Variants in PARD3 observed in about 807,000 individuals in gnomAD.
PARD3 encodes the protein partitioning defective 3 homolog.
A neutral mutation model predicts 155.4 loss-of-function variants in PARD3; 75 were observed. The observed-to-expected ratio is 0.48, with a 90% confidence interval of 0.40 to 0.58. PARD3 has a LOEUF of 0.58. Among genes scored for constraint, PARD3 ranks in the 20% least tolerant of loss-of-function variants. The pLI is 0.00. For synonymous variants in PARD3, 576 were observed against 610.5 expected (o/e 0.94, Z 0.83); for missense variants, 1,642 against 1,721.7 (o/e 0.95, Z 0.82).
intron 18 of PARD3, among the ~76,000 whole-genome samples, chr10:34,333,920 C>T (rs971370982): frequency 6.6e-6 from 1 of 151,910 alleles, no homozygotes; most frequent in Non-Finnish European, 1.5e-5. Flanking sequence ...ATCCCTAACA[C>T]ATTGATTCAG....
rs576049360 is a variant in PARD3, at chr10:34,727,757, G to A, written c.121-31338C>T. ...TGTTACGAAACCCCGGCCTGCTGGA[G>A]AATGAAAAGGTTTCCCTACTGCAGG... On this transcript the variant is annotated intron_variant, in intron 1 of 24. Coordinates refer to ENST00000374788, the MANE Select transcript of PARD3 (RefSeq NM_001184785.2). Among the ~76,000 whole-genome samples the A allele has an allele frequency of 2.6e-5, 4 of 151,952 alleles. No homozygotes were observed. The South Asian group carries it at 8.3e-4, about 32-fold the overall frequency.
chr10:34,752,070 T>C (rs1836105073), intron 1 of PARD3, among the ~76,000 whole-genome samples: 1 of 152,156 alleles, frequency 6.6e-6, no homozygotes, highest in Non-Finnish European at 1.5e-5. Context: ...GTTAACCTAA[T>C]GCTTTTCTCA....
chr10:34,146,784 C>T (rs2132922189), intron 22 of PARD3, among the ~76,000 whole-genome samples: 1 of 152,308 alleles, frequency 6.6e-6, no homozygotes, highest in East Asian at 1.9e-4. Flanking sequence ...AAGAACGTTT[C>T]CCACTTTTCC....
intron 1 of PARD3, among the ~76,000 whole-genome samples, chr10:34,753,023 C>T (rs544429149): frequency 6.6e-6 from 1 of 152,172 alleles, no homozygotes; most frequent in Non-Finnish European, 1.5e-5. Flanking sequence ...AGAAAACAGC[C>T]AAGGCAGCAG....
intron 2 of PARD3, among the ~76,000 whole-genome samples, chr10:34,531,923 AAGG>A (rs2082885875): frequency 6.6e-6 from 1 of 152,204 alleles, no homozygotes; most frequent in African/African-American, 2.4e-5. Context: ...AATTGCTCAC[AAGG>A]AGATGATGAG....
chr10:34,291,642 T>C (rs561840830), intron 20 of PARD3, among the ~76,000 whole-genome samples: 2 of 152,328 alleles, frequency 1.3e-5, no homozygotes, highest in East Asian at 3.9e-4. Flanking sequence ...CTAGAATTCA[T>C]ACCCAAGACA....
chr10:34,520,904 T>C (rs567993366), intron 2 of PARD3, among the ~76,000 whole-genome samples: 19 of 152,316 alleles, frequency 1.2e-4, no homozygotes, highest in Admixed American at 7.8e-4. Flanking sequence ...GATTTTGGAT[T>C]GCTATACTTG....
intron 5 of PARD3, among the ~76,000 whole-genome samples, chr10:34,413,017 G>C (rs1032515921): frequency 6.6e-6 from 1 of 152,032 alleles, no homozygotes; most frequent in Non-Finnish European, 1.5e-5. Flanking sequence ...CTCTTAAAAT[G>C]TTAAGATAAA....
chr10:34,218,500 C>G (rs1952117836), intron 22 of PARD3, among the ~76,000 whole-genome samples: 1 of 152,142 alleles, frequency 6.6e-6, no homozygotes, highest in South Asian at 2.1e-4. Context: ...CCTCCACAAA[C>G]CTACTCAATT....
At chr10:34,760,765 A>G (rs1257457829) in intron 1 of PARD3, among the ~76,000 whole-genome samples, 1 of 152,124 alleles carries the variant, frequency 6.6e-6, no homozygotes, top group Non-Finnish European at 1.5e-5. Context: ...TGAGGAGTTG[A>G]CACCTCCTGT....
chr10:34,661,987 C>T (rs1047232866), intron 2 of PARD3, among the ~76,000 whole-genome samples: 17 of 152,144 alleles, frequency 1.1e-4, no homozygotes, highest in African/African-American at 4.1e-4. Flanking sequence ...CATGTAAGCA[C>T]CCTGGGGAGA....
chr10:34,730,286 C>T lies in PARD3; in HGVS notation c.121-33867G>A, dbSNP rs1004512912. Among the ~76,000 whole-genome samples, 5 of 152,128 alleles carry T rather than the reference C, an allele frequency of 3.3e-5. No individual in the cohort carries two copies. In the South Asian group the frequency reaches 8.3e-4, roughly 25 times the overall value. ...ACGCATCTACAAATCTCACCTCTCTCTCTCCAAAATCCAATTTTTTTTTTC... is the reference window on the plus strand; with the variant it reads ...ACGCATCTACAAATCTCACCTCTCTTTCTCCAAAATCCAATTTTTTTTTTC... On this transcript the variant is annotated intron_variant, in intron 1 of 24. Transcript: ENST00000374788.
chr10:34,587,107 T>C (rs951086525), intron 2 of PARD3, among the ~76,000 whole-genome samples: 2 of 152,050 alleles, frequency 1.3e-5, no homozygotes, highest in African/African-American at 2.4e-5. Flanking sequence ...CTGAGGCTAA[T>C]GTTTATTTTT....
intron 2 of PARD3, among the ~76,000 whole-genome samples, chr10:34,555,383 T>C (rs1425616454): frequency 6.6e-6 from 1 of 152,184 alleles, no homozygotes; most frequent in Non-Finnish European, 1.5e-5. Flanking sequence ...ACTTTTTACT[T>C]GAAAATGATG....
chr10:34,809,871 C>T (rs1318880701), intron 1 of PARD3, among the ~76,000 whole-genome samples: 1 of 152,066 alleles, frequency 6.6e-6, no homozygotes, highest in Non-Finnish European at 1.5e-5. Flanking sequence ...TTTATGCTTG[C>T]CTCTATTTTC....
At chr10:34,523,652 A>G (rs2082293814) in intron 2 of PARD3, among the ~76,000 whole-genome samples, 1 of 152,228 alleles carries the variant, frequency 6.6e-6, no homozygotes, top group South Asian at 2.1e-4. Context: ...TGTCATGGGC[A>G]GATGTGCCTA....
chr10:34,241,551 G>A (rs1953597450), intron 22 of PARD3, among the ~76,000 whole-genome samples: 2 of 152,192 alleles, frequency 1.3e-5, no homozygotes, highest in African/African-American at 4.8e-5. Flanking sequence ...AAGCAGCACT[G>A]TAGTAGGCAA....
intron 2 of PARD3, among the ~76,000 whole-genome samples, chr10:34,624,346 A>T (rs1395271186): frequency 6.6e-6 from 1 of 152,184 alleles, no homozygotes; most frequent in Non-Finnish European, 1.5e-5. Context: ...GAAAGAACTT[A>T]TTGAAAGAAA....
At chr10:34,578,472 G>A (rs376479550) in intron 2 of PARD3, among the ~76,000 whole-genome samples, 5 of 152,284 alleles carry the variant, frequency 3.3e-5, no homozygotes, top group South Asian at 4.1e-4. Flanking sequence ...CAACAGAATT[G>A]TCAAAGAATA....
Sources: gnomAD v4.1 joint callset for allele counts (sites outside exome capture counted in the v4.1 genomes callset) on GRCh38, gnomAD v4.1.1 for gene constraint, MANE v1.5 for transcripts, NCBI Gene and HGNC (gene_info 2026-07-23, HGNC 2026-07-21) for gene names.